Variants in LAT2 observed in about 807,000 individuals in gnomAD.
The protein encoded by LAT2 is linker for activation of T-cells family member 2.
LAT2 carries 23 observed loss-of-function variants against 43.4 expected under a neutral mutation model. The ratio of observed to expected loss-of-function variants is 0.53; its 90% CI spans 0.38 to 0.75. LAT2 has a LOEUF of 0.75. Ranked by LOEUF, LAT2 falls within the 30% of genes least tolerant of loss-of-function variation. LAT2 has a pLI of 0.00. For synonymous variants in LAT2, 128 were observed against 123.2 expected (o/e 1.04, Z -0.26); for missense variants, 284 against 310.2 (o/e 0.92, Z 0.64).
rs556954224 is a variant in LAT2, at chr7:74,227,353, G to A, written c.*19-1591G>A. Among the ~76,000 whole-genome samples the A allele has an allele frequency of 6.6e-5, 10 of 152,182 alleles. No homozygotes were observed. The East Asian group carries it at 1.9e-3, about 30-fold the overall frequency. Reference sequence around the variant, plus strand: ...TCTTGCCTCAGCCTCCCGAGTAGCTGGGATTACAGGCACACGCCACAACAC... The same window carrying A: ...TCTTGCCTCAGCCTCCCGAGTAGCTAGGATTACAGGCACACGCCACAACAC... On this transcript the variant is annotated intron_variant, in intron 13 of 13. Coordinates refer to ENST00000460943, the MANE Select transcript of LAT2 (RefSeq NM_032464.3).
intron 13 of LAT2, among the ~76,000 whole-genome samples, chr7:74,227,354 G>A (rs1802530006): frequency 6.6e-6 from 1 of 151,994 alleles, no homozygotes; most frequent in South Asian, 2.1e-4. Flanking sequence ...CGAGTAGCTG[G>A]GATTACAGGC....
At chr7:74,215,893 G>C (rs1450239803) in intron 2 of LAT2, 54 bp from the exon 3 acceptor site, 2 of 1,213,710 alleles carry the variant, frequency 1.6e-6, no homozygotes, top group African/African-American at 3.0e-5. Flanking sequence ...GTGGGGGTGT[G>C]GGGTAGGATT....
At chr7:74,215,870 C>A in intron 2 of LAT2, 77 bp from the exon 3 acceptor site, 1 of 977,292 alleles carries the variant, frequency 1.0e-6, no homozygotes, top group Non-Finnish European at 1.6e-6. Flanking sequence ...AGGTATGGGG[C>A]TGTCCGAGCA....
chr7:74,224,167 CATCA>C lies in LAT2; in HGVS notation c.599_602del (p.His200ArgfsTer34). ...GGATTATCAGAACTCAGCATCCATC[CATCA>C]GTGGCGCGAGTCCAGGAAGGTCATG... On this transcript the variant is annotated frameshift_variant, in exon 12 of 14. Coordinates refer to ENST00000460943, the MANE Select transcript of LAT2 (RefSeq NM_032464.3). LOFTEE classifies it high-confidence loss of function. 6.2e-7 allele frequency: 1 copy of C among 1,614,068 alleles called. No individual in the cohort carries two copies. Among genetic ancestry groups the C allele is most frequent in the Non-Finnish European group, 8.5e-7 (1 of 1,180,018 alleles).
At chr7:74,212,699 A>AT (rs1801771923) in intron 1 of LAT2, among the ~76,000 whole-genome samples, 2 of 152,192 alleles carry the variant, frequency 1.3e-5, no homozygotes, top group Admixed American at 1.3e-4. Flanking sequence ...AACTTGGGCC[A>AT]TGCTGGAGGG....
At chr7:74,221,845 G>A (rs1440592120) in intron 10 of LAT2, among the ~76,000 whole-genome samples, 153 bp downstream of exon 10, 1 of 151,782 alleles carries the variant, frequency 6.6e-6, no homozygotes, top group South Asian at 2.1e-4. Context: ...CTGCAGGCGG[G>A]GGCCAAGAAG....
At chr7:74,224,227 T>C in intron 12 of LAT2, 30 bp downstream of exon 12, 1 of 1,605,550 alleles carries the variant, frequency 6.2e-7, no homozygotes, top group Middle Eastern at 1.7e-4. Context: ...GGCAGGGTGG[T>C]CCACTTAGGG....
At chr7:74,213,674 T>C (rs919972160) in intron 1 of LAT2, among the ~76,000 whole-genome samples, 19 of 151,184 alleles carry the variant, frequency 1.3e-4, no homozygotes, top group South Asian at 2.1e-4. Flanking sequence ...CTGCCCGCCT[T>C]GGCCTCCCAA....
In LAT2 at chr7:74,221,599, T is replaced by C. The variant is rs1802282988; in HGVS notation, c.333-38T>C. Reference sequence around the variant, plus strand: ...GGAGCCCCCAACCCGATCTCCAGCCTGCCCTGAAACCTGTGTTGTATATGT... The same window carrying C: ...GGAGCCCCCAACCCGATCTCCAGCCCGCCCTGAAACCTGTGTTGTATATGT... On this transcript the variant is annotated intron_variant, in intron 9 of 13. Coordinates refer to ENST00000460943, the MANE Select transcript of LAT2 (RefSeq NM_032464.3). 7 of 1,585,628 alleles carry C rather than the reference T, an allele frequency of 4.4e-6. No individual in the cohort carries two copies. The South Asian group carries it at 7.8e-5, about 18-fold the overall frequency.
chr7:74,215,011 G>T lies in LAT2; in HGVS notation c.-30+1G>T, dbSNP rs1266963376. On this transcript the variant is annotated splice_donor_variant, in intron 2 of 13. Transcript: ENST00000460943. LOFTEE classifies it low-confidence loss of function (5UTR_SPLICE). ...CCACGCCTCCATTCACCAGGCCACG[G>T]TGGGTGGTGTGCGTATGTTTTGCTG... 2 of 151,662 alleles carry T rather than the reference G, an allele frequency of 1.3e-5. No individual in the cohort carries two copies. 9.4% of individuals were successfully genotyped at this position (151,662 alleles called of 1,614,324 possible).
chr7:74,210,798 T>A (rs3779412), intron 1 of LAT2, among the ~76,000 whole-genome samples: 4 of 151,760 alleles, frequency 2.6e-5, no homozygotes, highest in East Asian at 1.9e-4. Flanking sequence ...AAAATAAAAA[T>A]AAAAAAATAT....
In LAT2 at chr7:74,221,617, G is replaced by T. The variant is rs1563974256; in HGVS notation, c.333-20G>T. On this transcript the variant is annotated intron_variant, in intron 9 of 13. Transcript: ENST00000460943. The stretch of plus-strand genomic sequence containing the variant: ...TCCAGCCTGCCCTGAAACCTGTGTT[G>T]TATATGTTTTCTTGGCCAGAGACCC... The T allele has an allele frequency of 6.2e-7, 1 of 1,611,350 alleles. No individual in the cohort carries two copies. The highest frequency in any genetic ancestry group is 1.1e-5 in the South Asian group (1 of 90,898).
chr7:74,213,988 G>A (rs1801834223), intron 1 of LAT2, among the ~76,000 whole-genome samples: 1 of 146,480 alleles, frequency 6.8e-6, no homozygotes, highest in Non-Finnish European at 1.5e-5. Context: ...TCACTCTGTT[G>A]CCCAGGCTGG....
At chr7:74,223,874 C>A in intron 11 of LAT2, 91 bp downstream of exon 11, 1 of 1,489,086 alleles carries the variant, frequency 6.7e-7, no homozygotes, top group Admixed American at 1.7e-5. Flanking sequence ...TCAAAGGCCG[C>A]CCCCACTTTG....
rs1236845027 is a variant in LAT2, at chr7:74,223,106, C to G, written c.389-618C>G. ...AGAGCTCCTGATTATAGAGATGAAC[C>G]CCTGAGGCTGCCCCTGCCTCCCTCC... On this transcript the variant is annotated intron_variant, in intron 10 of 13. Coordinates refer to ENST00000460943, the MANE Select transcript of LAT2 (RefSeq NM_032464.3). 8.5e-5 allele frequency among the ~76,000 whole-genome samples: 13 copies of G among 152,298 alleles called. No individual in the cohort carries two copies. In the East Asian group the frequency reaches 2.5e-3, roughly 29 times the overall value.
In LAT2 at chr7:74,220,371, C is replaced by T; in HGVS notation, c.265+117C>T. ...GGCTGCGGGGCCAGGCGAGGCCTCCCCAGGAGAGACACACAGGCTGGGGCA... is the reference window on the plus strand; with the variant it reads ...GGCTGCGGGGCCAGGCGAGGCCTCCTCAGGAGAGACACACAGGCTGGGGCA... On this transcript the variant is annotated intron_variant, in intron 7 of 13. Coordinates refer to ENST00000460943, the MANE Select transcript of LAT2 (RefSeq NM_032464.3). The surrounding 1 kb of genome is among the most constrained non-coding windows in gnomAD (Gnocchi z 4.5). 2 of 1,315,750 alleles carry T rather than the reference C, an allele frequency of 1.5e-6. No homozygotes were observed. The highest frequency in any genetic ancestry group is 1.1e-6 in the Non-Finnish European group (1 of 932,228). 81.5% of individuals were successfully genotyped at this position (1,315,750 alleles called of 1,614,324 possible).
intron 13 of LAT2, among the ~76,000 whole-genome samples, chr7:74,227,997 G>A (rs1802551978): frequency 6.7e-6 from 1 of 150,010 alleles, no homozygotes; most frequent in East Asian, 2.0e-4. Flanking sequence ...GCAACATGGG[G>A]AAACCCCATC....
chr7:74,213,852 C>T (rs982841323), intron 1 of LAT2, among the ~76,000 whole-genome samples: 4 of 151,382 alleles, frequency 2.6e-5, no homozygotes, highest in African/African-American at 9.7e-5. Context: ...AGTGGACACT[C>T]GGGAGTGTTG....
Position 74,222,200 on chromosome 7 carries a change from A to G in LAT2, c.388+508A>G, listed in dbSNP as rs1230608290. Among the ~76,000 whole-genome samples the G allele has an allele frequency of 4.0e-5, 6 of 149,390 alleles. No individual in the cohort carries two copies. The East Asian group carries it at 1.2e-3, about 30-fold the overall frequency. Reference sequence around the variant, plus strand: ...CAGGAGTTCAAGACCAGTGTGGCCAACATGGTGAAACCCCATCTCTACAAA... The same window carrying G: ...CAGGAGTTCAAGACCAGTGTGGCCAGCATGGTGAAACCCCATCTCTACAAA... On this transcript the variant is annotated intron_variant, in intron 10 of 13. Coordinates refer to ENST00000460943, the MANE Select transcript of LAT2 (RefSeq NM_032464.3).
Sources: allele counts gnomAD v4.1 joint callset (sites outside exome capture counted in the v4.1 genomes callset), GRCh38; gene constraint gnomAD v4.1.1; non-coding constraint Gnocchi (gnomAD v3.1); transcripts MANE v1.5; gene names NCBI Gene and HGNC (gene_info 2026-07-23, HGNC 2026-07-21).